Variants in CDKAL1 observed in about 807,000 individuals in gnomAD.
The protein encoded by CDKAL1 is threonylcarbamoyladenosine tRNA methylthiotransferase.
CDKAL1 carries 32 observed loss-of-function variants against 68.2 expected under a neutral mutation model. The observed-to-expected ratio is 0.47, with a 90% CI of 0.35 to 0.63. The LOEUF is 0.63. Ranked by LOEUF, CDKAL1 falls within the 30% of genes least tolerant of loss-of-function variation. The pLI, the probability that CDKAL1 is intolerant of heterozygous loss-of-function variation, is 0.00. For synonymous variants in CDKAL1, 234 were observed against 244.3 expected, an observed-to-expected ratio of 0.96 and a Z score of 0.39; for missense variants, 606 against 696.7, an observed-to-expected ratio of 0.87 and a Z score of 1.47.
At chr6:20,686,827 T>C (rs531580320) in intron 5 of CDKAL1, among the ~76,000 whole-genome samples, 4 of 152,190 alleles carry the variant, frequency 2.6e-5, no homozygotes, top group Non-Finnish European at 5.9e-5. Context: ...CTATAGATTT[T>C]TGTAGTCTTT....
intron 5 of CDKAL1, among the ~76,000 whole-genome samples, chr6:20,669,433 A>G (rs1769705632): frequency 6.6e-6 from 1 of 152,116 alleles, no homozygotes; most frequent in Non-Finnish European, 1.5e-5. Context: ...CGTAACTATC[A>G]TTATCACCCA....
rs192967710 is a variant in CDKAL1, at chr6:20,753,328, A to G, written c.469-5267A>G. ...CTTCATTCCCTTTTATGGATTAGTA[A>G]TATGATCAGGCACCACGTAACAAAC... On this transcript the variant is annotated intron_variant, in intron 6 of 15. Coordinates refer to ENST00000274695, the MANE Select transcript of CDKAL1 (RefSeq NM_017774.3). 1.1e-4 allele frequency among the ~76,000 whole-genome samples: 12 copies of G among 112,098 alleles called. No homozygotes were observed. The East Asian group carries it at 3.1e-3, about 29-fold the overall frequency. The allele number at this position is 112,098 out of a possible 152,430, so 73.5% of individuals were successfully genotyped here.
chr6:20,831,563 C>A (rs1777719853), intron 8 of CDKAL1, among the ~76,000 whole-genome samples: 1 of 152,128 alleles, frequency 6.6e-6, no homozygotes, highest in Admixed American at 6.5e-5. Context: ...GTGGATCAGA[C>A]CAGCAGCAGA....
At chr6:20,665,150 C>G (rs1035040095) in intron 5 of CDKAL1, among the ~76,000 whole-genome samples, 3 of 152,026 alleles carry the variant, frequency 2.0e-5, no homozygotes, top group Non-Finnish European at 4.4e-5. Context: ...AGTCTTAGCT[C>G]TCCCATAGAC....
intron 12 of CDKAL1, among the ~76,000 whole-genome samples, chr6:21,072,767 TC>T (rs1771861140): frequency 1.3e-5 from 2 of 151,944 alleles, no homozygotes; most frequent in Admixed American, 1.3e-4. Flanking sequence ...GCTATATGTT[TC>T]CTGCCCCTAC....
chr6:20,941,681 A>G (rs561763779), intron 9 of CDKAL1, among the ~76,000 whole-genome samples: 29 of 152,326 alleles, frequency 1.9e-4, no homozygotes, highest in South Asian at 6.2e-4. Flanking sequence ...AGAGGGAGAG[A>G]AGTATCCTTA....
intron 4 of CDKAL1, among the ~76,000 whole-genome samples, chr6:20,632,439 C>A (rs1767713864): frequency 6.6e-6 from 1 of 152,162 alleles, no homozygotes; most frequent in Admixed American, 6.5e-5. Flanking sequence ...TAAGTCGAAT[C>A]ATTGTAAGTT....
intron 11 of CDKAL1, among the ~76,000 whole-genome samples, chr6:21,026,472 ACT>A (rs1410855481): frequency 2.6e-5 from 4 of 152,126 alleles, no homozygotes; most frequent in Non-Finnish European, 5.9e-5. Context: ...GATTAAAGAA[ACT>A]CTGAGGTTCA....
At chr6:20,931,347 C>T (rs1264942474) in intron 9 of CDKAL1, among the ~76,000 whole-genome samples, 1 of 152,164 alleles carries the variant, frequency 6.6e-6, no homozygotes, top group Non-Finnish European at 1.5e-5. Flanking sequence ...AATTTGCTGT[C>T]ATTGAATGGT....
intron 9 of CDKAL1, among the ~76,000 whole-genome samples, chr6:20,909,054 A>G (rs544093859): frequency 2.0e-5 from 3 of 152,198 alleles, no homozygotes; most frequent in African/African-American, 7.2e-5. Context: ...CTAATAAACT[A>G]TATTAAATAA....
intron 4 of CDKAL1, among the ~76,000 whole-genome samples, chr6:20,642,477 G>GGA (rs538189702): frequency 1.2e-4 from 14 of 117,850 alleles, no homozygotes; most frequent in African/African-American, 3.2e-4. Context: ...ATGAAAAACA[G>GGA]AAAAAAAAAA....
chr6:20,792,258 T>C (rs960493594), intron 8 of CDKAL1, among the ~76,000 whole-genome samples: 3 of 152,210 alleles, frequency 2.0e-5, no homozygotes, highest in African/African-American at 7.2e-5. Flanking sequence ...TTACTTTATC[T>C]GATGAAACAG....
chr6:20,556,506 G>C (rs757433454), intron 4 of CDKAL1, among the ~76,000 whole-genome samples: 11 of 152,108 alleles, frequency 7.2e-5, no homozygotes, highest in Non-Finnish European at 1.2e-4. Context: ...GGAAATTCTA[G>C]TGGATTCAAT....
At position 20,540,077 on chromosome 6, in the gene CDKAL1, CTT is replaced by C. The variant is rs71538791; in HGVS notation, c.-6+4696_-6+4697del. Among the ~76,000 whole-genome samples the C allele has an allele frequency of 1.2e-3, 156 of 131,130 alleles. 7 individuals carry two copies. In the Middle Eastern group the frequency reaches 0.017, roughly 14 times the overall value. The allele number at this position is 131,130 out of a possible 152,430, so 86.0% of individuals were successfully genotyped here. ...CTGAGCAGTAGAAGATTGGGATTGT[CTT>C]TTTTTTTTTTTTGAGACAGAGTCTC... is the stretch of plus-strand genomic sequence containing the variant. On this transcript the variant is annotated intron_variant, in intron 2 of 15. Transcript: ENST00000274695.
chr6:20,544,039 A>G (rs546208373), intron 2 of CDKAL1, among the ~76,000 whole-genome samples: 81 of 152,000 alleles, frequency 5.3e-4, no homozygotes, highest in African/African-American at 1.9e-3. Flanking sequence ...CGCCCAGCCT[A>G]TGTTTTACAT....
intron 13 of CDKAL1, among the ~76,000 whole-genome samples, chr6:21,187,512 C>T (rs533284142): frequency 6.6e-6 from 1 of 152,148 alleles, no homozygotes; most frequent in African/African-American, 2.4e-5. Context: ...AATTAGAAAG[C>T]GTCCTGCATA....
intron 11 of CDKAL1, among the ~76,000 whole-genome samples, chr6:21,015,798 G>A (rs1014277018): frequency 6.6e-6 from 1 of 151,794 alleles, no homozygotes; most frequent in South Asian, 2.1e-4. Flanking sequence ...GTGATGGTGC[G>A]CACCTGTAAT....
chr6:21,022,123 G>T (rs1241823107), intron 11 of CDKAL1, among the ~76,000 whole-genome samples: 1 of 152,200 alleles, frequency 6.6e-6, no homozygotes, highest in Non-Finnish European at 1.5e-5. Flanking sequence ...TTTTAGCAAA[G>T]CTACAAGGAT....
intron 5 of CDKAL1, among the ~76,000 whole-genome samples, chr6:20,726,401 A>T (rs1452088204): frequency 6.6e-6 from 1 of 152,222 alleles, no homozygotes; most frequent in Non-Finnish European, 1.5e-5. Context: ...ATATACAATC[A>T]AACTGTAACC....
Sources: gnomAD v4.1 joint callset for allele counts (sites outside exome capture counted in the v4.1 genomes callset) on GRCh38, gnomAD v4.1.1 for gene constraint, MANE v1.5 for transcripts, NCBI Gene and HGNC (gene_info 2026-07-23, HGNC 2026-07-21) for gene names.